Variants in TRAM2 observed in about 807,000 individuals in gnomAD.
TRAM2 encodes the protein translocating chain-associated membrane protein 2.
In TRAM2, 12 loss-of-function variants were observed where a neutral mutation model predicts 51.0. That is an observed-to-expected ratio of 0.24 (90% CI 0.15 to 0.38). The LOEUF (loss-of-function observed/expected upper bound fraction) is 0.38. Ranked by LOEUF, TRAM2 falls within the 10% of genes least tolerant of loss-of-function variation. TRAM2 has a pLI of 1.00. For missense variants in TRAM2, 361 were observed against 462.0 expected, an observed-to-expected ratio of 0.78 and a Z score of 2.00; for synonymous variants, 175 against 179.4, an observed-to-expected ratio of 0.98 and a Z score of 0.20.
At chr6:52,558,161 G>C (rs939130031) in intron 1 of TRAM2, among the ~76,000 whole-genome samples, 2 of 152,204 alleles carry the variant, frequency 1.3e-5, no homozygotes, top group Non-Finnish European at 2.9e-5. Context: ...AAAACCTGCA[G>C]ACTTGGCCTC....
At chr6:52,514,258 T>C (rs1766502634) in intron 4 of TRAM2, among the ~76,000 whole-genome samples, 1 of 151,494 alleles carries the variant, frequency 6.6e-6, no homozygotes, top group Non-Finnish European at 1.5e-5. Context: ...AAAAATATTA[T>C]TTTTTTAAAA....
intron 1 of TRAM2, among the ~76,000 whole-genome samples, chr6:52,573,724 C>T (rs374478688): frequency 2.0e-5 from 3 of 152,190 alleles, no homozygotes; most frequent in East Asian, 1.9e-4. Context: ...GGACAGAGAA[C>T]TAAAGCCCTG....
At chr6:52,519,346 T>C (rs1006850523) in intron 2 of TRAM2, among the ~76,000 whole-genome samples, 2 of 152,020 alleles carry the variant, frequency 1.3e-5, no homozygotes, top group East Asian at 1.9e-4. Flanking sequence ...AAAGAAGAAA[T>C]ACAAATGGCC....
chr6:52,551,839 G>GC, intron 1 of TRAM2, among the ~76,000 whole-genome samples: 1 of 152,378 alleles, frequency 6.6e-6, no homozygotes, highest in East Asian at 1.9e-4. Context: ...GTTTCAATGT[G>GC]CCCAAGCACC....
At chr6:52,550,713 G>A (rs148775316) in intron 1 of TRAM2, among the ~76,000 whole-genome samples, 2,704 of 151,938 alleles carry the variant, frequency 0.018, 66 homozygotes, top group African/African-American at 0.061. Context: ...CACCACACCC[G>A]GCTAATTTTT....
In TRAM2 at chr6:52,502,171, G is replaced by A. The variant is rs772438870; in HGVS notation, c.*1026C>T. The A allele has an allele frequency of 2.6e-5, 4 of 152,304 alleles. No homozygotes were observed. Among genetic ancestry groups the A allele is most frequent in the Non-Finnish European group, 5.9e-5 (4 of 68,084 alleles). The allele number at this position is 152,304 out of a possible 1,614,324, so 9.4% of individuals were successfully genotyped here. The stretch of plus-strand genomic sequence containing the variant: ...GAAGCCCTTGAGACTTAGTGTTTCT[G>A]CAGCTAGAGATGAAGTCAAGGTAGT... On this transcript the variant is annotated 3_prime_UTR_variant, in exon 11 of 11. Coordinates refer to ENST00000182527, the MANE Select transcript of TRAM2 (RefSeq NM_012288.4).
At chr6:52,518,738 C>T (rs1303718849) in intron 2 of TRAM2, among the ~76,000 whole-genome samples, 3 of 152,186 alleles carry the variant, frequency 2.0e-5, no homozygotes, top group African/African-American at 7.2e-5. Context: ...ACTCATGGCC[C>T]AGCCTCTCCA....
chr6:52,515,974 C>T (rs1421400326), intron 4 of TRAM2, 32 bp downstream of exon 4: 2 of 1,600,636 alleles, frequency 1.2e-6, no homozygotes, highest in African/African-American at 1.3e-5. Context: ...GGTTTGAGCT[C>T]TCCCGCTTCA....
rs1255743656 is a variant in TRAM2 at position 52,497,481 on chromosome 6, A to G, written c.*5716T>C. 6.6e-6 allele frequency: 1 copy of G among 152,670 alleles called. No homozygotes were observed. Among genetic ancestry groups the G allele is most frequent in the African/African-American group, 2.4e-5 (1 of 41,462 alleles). The allele number at this position is 152,670 out of a possible 1,614,324, so 9.5% of individuals were successfully genotyped here. ...TCCAAAATGTACATTTAAAAAATCC[A>G]TACAAAACTGTAATTTGTTTTAAAA... is the stretch of plus-strand genomic sequence containing the variant. On this transcript the variant is annotated 3_prime_UTR_variant, in exon 11 of 11. Transcript: ENST00000182527.
intron 1 of TRAM2, among the ~76,000 whole-genome samples, chr6:52,572,076 C>A (rs1767689140): frequency 6.6e-6 from 1 of 152,158 alleles, no homozygotes; most frequent in Admixed American, 6.5e-5. Context: ...GAGGCTTGAC[C>A]AGTAGAAAAT....
At position 52,514,115 on chromosome 6, in the gene TRAM2, G is replaced by A. The variant is rs1766499160; in HGVS notation, c.411+1891C>T. ...CCCCTGGTCAAAGGTCACTAGACTA[G>A]GGTTGGTGGTGCAGGCAGAAAGCAG... On this transcript the variant is annotated intron_variant, in intron 4 of 10. Transcript: ENST00000182527. Among the ~76,000 whole-genome samples the A allele has an allele frequency of 2.0e-5, 3 of 152,240 alleles. No individual in the cohort carries two copies. The South Asian group carries it at 6.2e-4, about 32-fold the overall frequency.
At chr6:52,526,900 G>C (rs1471985186) in intron 2 of TRAM2, among the ~76,000 whole-genome samples, 1 of 152,136 alleles carries the variant, frequency 6.6e-6, no homozygotes, top group Non-Finnish European at 1.5e-5. Flanking sequence ...TTACAGCTAG[G>C]GGAAGGTGTG....
chr6:52,532,041 T>C (rs1766900987), intron 2 of TRAM2, among the ~76,000 whole-genome samples: 1 of 152,170 alleles, frequency 6.6e-6, no homozygotes, highest in Admixed American at 6.5e-5. Flanking sequence ...TACTCAAACA[T>C]TGTAGGAAGC....
In TRAM2 at chr6:52,516,678, T is replaced by C. The variant is rs745957040; in HGVS notation, c.244A>G (p.Ile82Val). The C allele has an allele frequency of 3.1e-6, 5 of 1,614,076 alleles. No individual in the cohort carries two copies. The East Asian group carries it at 1.1e-4, about 36-fold the overall frequency. ...GCATGCAAGATGATGGTGATGAAGA[T>C]GTAGAACAAGATTGTGACCAGGTCC... ...PKDLVTILFY[I>V]FITIILHAVV... The change falls in exon 3 of 11, where the codon ATC (isoleucine) becomes GTC (valine). Residue 82 changes from isoleucine to valine, a missense_variant. Physicochemically the swap from Ile to Val is conservative, Grantham distance 29. Coordinates refer to ENST00000182527, the MANE Select transcript of TRAM2 (RefSeq NM_012288.4).
chr6:52,504,513 C>T (rs1766304990), intron 10 of TRAM2, 78 bp downstream of exon 10: 10 of 1,590,078 alleles, frequency 6.3e-6, no homozygotes, highest in Non-Finnish European at 8.6e-6. Flanking sequence ...GCCCAAGAAG[C>T]CAGGTGCCTT....
chr6:52,516,148 A>G lies in TRAM2; in HGVS notation c.295-26T>C, dbSNP rs755920302. ...CTAAAGAATAAAGAAAACCCCTCAT[A>G]TTAATATACAAATGTATCCATATTG... On this transcript the variant is annotated intron_variant, in intron 3 of 10. Coordinates refer to ENST00000182527, the MANE Select transcript of TRAM2 (RefSeq NM_012288.4). The G allele has an allele frequency of 5.6e-6, 9 of 1,593,436 alleles. No homozygotes were observed. In the Admixed American group the frequency reaches 1.3e-4, roughly 24 times the overall value.
chr6:52,511,035 T>G (rs983999003), intron 4 of TRAM2, among the ~76,000 whole-genome samples: 2 of 152,216 alleles, frequency 1.3e-5, no homozygotes, highest in African/African-American at 4.8e-5. Flanking sequence ...CAGATTAGAT[T>G]AGGATGACTT....
chr6:52,505,560 G>A, intron 9 of TRAM2, 39 bp downstream of exon 9: 1 of 1,564,102 alleles, frequency 6.4e-7, no homozygotes. Flanking sequence ...AGTTCAGGAG[G>A]CTCCCTGGCT....
intron 3 of TRAM2, 102 bp downstream of exon 3, chr6:52,516,526 G>T: frequency 1.0e-6 from 1 of 958,878 alleles, no homozygotes. Flanking sequence ...AAGCAAGTTG[G>T]AGGATGAATG....
Sources: gnomAD v4.1 joint callset for allele counts (sites outside exome capture counted in the v4.1 genomes callset) on GRCh38, gnomAD v4.1.1 for gene constraint, MANE v1.5 for transcripts, NCBI Gene and HGNC (gene_info 2026-07-23, HGNC 2026-07-21) for gene names.